SPRED1: variants seen among roughly 807,000 people sequenced by gnomAD.
SPRED1 encodes sprouty-related, EVH1 domain-containing protein 1.
A neutral mutation model predicts 52.3 loss-of-function variants in SPRED1; 18 were observed. The ratio of observed to expected loss-of-function variants is 0.34; its 90% CI spans 0.24 to 0.51. The LOEUF (loss-of-function observed/expected upper bound fraction) is 0.51, where lower values mean the gene tolerates loss of function less well. Ranked by LOEUF, SPRED1 falls within the 20% of genes least tolerant of loss-of-function variation. The pLI is 0.97. For missense variants in SPRED1, 485 were observed against 551.0 expected (o/e 0.88, Z 1.20); for synonymous variants, 155 against 179.7 (o/e 0.86, Z 1.10).
At chr15:38,288,438 A>G (rs1224549350) in intron 1 of SPRED1, among the ~76,000 whole-genome samples, 1 of 152,202 alleles carries the variant, frequency 6.6e-6, no homozygotes, top group Non-Finnish European at 1.5e-5. Flanking sequence ...AAATAATTTC[A>G]GATAGTCATA....
At chr15:38,344,778 A>T (rs779946436) in intron 5 of SPRED1, among the ~76,000 whole-genome samples, 51 of 152,218 alleles carry the variant, frequency 3.4e-4, no homozygotes, top group Non-Finnish European at 6.8e-4. Context: ...AAATAGAACA[A>T]TAATACTCGT....
At chr15:38,267,783 G>T (rs554177735) in intron 1 of SPRED1, among the ~76,000 whole-genome samples, 137 of 152,336 alleles carry the variant, frequency 9.0e-4, no homozygotes, top group African/African-American at 3.2e-3. Flanking sequence ...AAAGTCTTAT[G>T]ATTCCAAAGC....
At chr15:38,263,585 G>A (rs1053578849) in intron 1 of SPRED1, among the ~76,000 whole-genome samples, 10 of 152,192 alleles carry the variant, frequency 6.6e-5, no homozygotes, top group Admixed American at 5.2e-4. Flanking sequence ...GGAAAAAGGA[G>A]TATTGAGAAA....
chr15:38,254,105 C>G (rs1437329730), intron 1 of SPRED1, among the ~76,000 whole-genome samples: 2 of 152,068 alleles, frequency 1.3e-5, no homozygotes, highest in African/African-American at 4.8e-5. Flanking sequence ...CAACACTTTT[C>G]TATTGAGAAG....
intron 1 of SPRED1, among the ~76,000 whole-genome samples, chr15:38,256,423 G>T (rs151009954): frequency 8.5e-5 from 13 of 152,170 alleles, no homozygotes; most frequent in African/African-American, 3.1e-4. Context: ...AAGAGTCTTT[G>T]TCCTTTGGTA....
chr15:38,309,438 G>C (rs188648697), intron 2 of SPRED1, among the ~76,000 whole-genome samples: 4 of 152,310 alleles, frequency 2.6e-5, no homozygotes, highest in Non-Finnish European at 1.5e-5. Context: ...ACCGTACCCA[G>C]CCTTGCTTTT....
chr15:38,300,267 T>C (rs1007350809), intron 2 of SPRED1, among the ~76,000 whole-genome samples: 1 of 152,164 alleles, frequency 6.6e-6, no homozygotes, highest in Non-Finnish European at 1.5e-5. Flanking sequence ...CAAAAACAAC[T>C]GATTACATCC....
intron 5 of SPRED1, 130 bp downstream of exon 5, chr15:38,340,025 A>C: frequency 8.6e-7 from 1 of 1,164,186 alleles, no homozygotes; most frequent in Non-Finnish European, 1.2e-6. Context: ...AACCCCACAA[A>C]CAAAACCAGG....
intron 4 of SPRED1, 104 bp from the exon 5 acceptor site, chr15:38,339,633 T>C (rs1469700357): frequency 5.0e-6 from 6 of 1,191,242 alleles, no homozygotes; most frequent in Non-Finnish European, 7.5e-6. Flanking sequence ...TAGCGATATA[T>C]ACTTATTGAC....
intron 1 of SPRED1, among the ~76,000 whole-genome samples, chr15:38,290,146 A>G (rs1015987900): frequency 1.3e-5 from 2 of 152,204 alleles, no homozygotes; most frequent in African/African-American, 4.8e-5. Flanking sequence ...GAACTCTCAT[A>G]TTAATGTTGA....
intron 1 of SPRED1, among the ~76,000 whole-genome samples, chr15:38,265,547 G>C (rs1894290719): frequency 6.6e-6 from 1 of 151,874 alleles, no homozygotes; most frequent in Non-Finnish European, 1.5e-5. Flanking sequence ...TTTCTTCCAT[G>C]TTCTGGGCAG....
intron 1 of SPRED1, among the ~76,000 whole-genome samples, chr15:38,254,044 T>TTTTGC (rs1316371877): frequency 1.3e-5 from 2 of 152,216 alleles, no homozygotes; most frequent in African/African-American, 4.8e-5. Flanking sequence ...ATACTTCGTC[T>TTTTGC]TTTAAATGTT....
intron 1 of SPRED1, among the ~76,000 whole-genome samples, chr15:38,258,251 G>T (rs2222441): frequency 6.6e-6 from 1 of 152,082 alleles, no homozygotes; most frequent in African/African-American, 2.4e-5. Flanking sequence ...AATGCTTTAT[G>T]AAAGCATTAT....
Position 38,322,303 on chromosome 15 carries a change from C to T in SPRED1, c.270C>T (p.His90=), listed in dbSNP as rs773943895. ...ATAATAAGGTCACTCCAACATTTCA[C>T]CACTGGAAGATTGATGACAAGAAGT... ...LIYNKVTPTF[H]HWKIDDKKFG... Residue 90 remains histidine (H), a synonymous_variant, in exon 3 of 7, where the codon CAC becomes CAT. Coordinates refer to ENST00000299084, the MANE Select transcript of SPRED1 (RefSeq NM_152594.3). The T allele has an allele frequency of 6.2e-7, 1 of 1,613,894 alleles. No individual in the cohort carries two copies. Among genetic ancestry groups the T allele is most frequent in the Non-Finnish European group, 8.5e-7 (1 of 1,179,882 alleles).
chr15:38,301,233 C>G (rs1895143227), intron 2 of SPRED1, among the ~76,000 whole-genome samples: 1 of 152,030 alleles, frequency 6.6e-6, no homozygotes, highest in Non-Finnish European at 1.5e-5. Flanking sequence ...GTGGCTTTAA[C>G]ATAAATAAAG....
chr15:38,281,592 A>G (rs1411512553), intron 1 of SPRED1, among the ~76,000 whole-genome samples: 1 of 127,480 alleles, frequency 7.8e-6, no homozygotes, highest in Non-Finnish European at 1.6e-5. Context: ...TTGTAGAGAC[A>G]GGGTCTTGCT....
intron 4 of SPRED1, among the ~76,000 whole-genome samples, chr15:38,336,359 A>G (rs984738436): frequency 6.8e-5 from 10 of 146,702 alleles, no homozygotes; most frequent in South Asian, 2.2e-4. Context: ...ATGCCCATCA[A>G]TCAATGAGTG....
At chr15:38,306,885 T>A (rs886943226) in intron 2 of SPRED1, among the ~76,000 whole-genome samples, 7 of 152,204 alleles carry the variant, frequency 4.6e-5, no homozygotes, top group Non-Finnish European at 1.5e-5. Flanking sequence ...CTCTTTACAA[T>A]TTATTTTAAA....
At chr15:38,278,779 A>G (rs1360491877) in intron 1 of SPRED1, among the ~76,000 whole-genome samples, 1 of 150,986 alleles carries the variant, frequency 6.6e-6, no homozygotes, top group Middle Eastern at 3.2e-3. Flanking sequence ...AAGAAAAAAA[A>G]GTCTGTACAT....
Sources: allele counts gnomAD v4.1 joint callset (sites outside exome capture counted in the v4.1 genomes callset), GRCh38; gene constraint gnomAD v4.1.1; transcripts MANE v1.5; gene names NCBI Gene and HGNC (gene_info 2026-07-23, HGNC 2026-07-21).